PDE1A: variants seen among roughly 807,000 people sequenced by gnomAD.
The protein encoded by PDE1A is phosphodiesterase 1A.
Under a neutral mutation model 61.7 loss-of-function variants are expected in PDE1A, and 35 were observed. That is an observed-to-expected ratio of 0.57 (90% CI 0.43 to 0.75). The LOEUF (loss-of-function observed/expected upper bound fraction) is 0.75. Ranked by LOEUF, PDE1A falls within the 30% of genes least tolerant of loss-of-function variation. The pLI, the probability that PDE1A is intolerant of heterozygous loss-of-function variation, is 0.00. For missense variants in PDE1A, 597 were observed against 630.6 expected (o/e 0.95, Z 0.57); for synonymous variants, 232 against 213.2 (o/e 1.09, Z -0.77).
At chr2:182,426,887 G>C (rs1019041400) in exon 1 of PDE1A, 14 of 1,268,322 alleles carry the variant, frequency 1.1e-5, no homozygotes, top group Non-Finnish European at 1.2e-5. Context: ...CAAGAGTCAC[G>C]TTGATCCAGG....
intron 1 of PDE1A, among the ~76,000 whole-genome samples, chr2:182,370,515 T>C (rs1257157222): frequency 6.6e-6 from 1 of 152,202 alleles, no homozygotes; most frequent in African/African-American, 2.4e-5. Flanking sequence ...CAATTTTTCT[T>C]AAGCACCACC....
intron 2 of PDE1A, among the ~76,000 whole-genome samples, chr2:182,256,038 C>CTTTTTTTTTTTTTTTTTCTTT (rs1691762387): frequency 1.1e-5 from 1 of 92,336 alleles, no homozygotes; most frequent in Non-Finnish European, 2.1e-5. Context: ...AGGATGACTT[C>CTTTTTTTTTTTTTTTTTCTTT]TTTTTTTTTT....
intron 13 of PDE1A, among the ~76,000 whole-genome samples, chr2:182,162,879 G>T (rs1691459951): frequency 6.6e-6 from 1 of 152,144 alleles, no homozygotes; most frequent in South Asian, 2.1e-4. Flanking sequence ...GACAGACTTA[G>T]CAGCAGACAG....
At chr2:182,163,919 C>T (rs936072896), downstream of PDE1A, among the ~76,000 whole-genome samples, 1 of 152,102 alleles carries the variant, frequency 6.6e-6, no homozygotes, top group African/African-American at 2.4e-5. Flanking sequence ...TTGGCAGGGC[C>T]CTACAGGTGA....
chr2:182,556,941 T>C, the PDE1A span, among the ~76,000 whole-genome samples: 133 of 152,334 alleles, frequency 8.7e-4, no homozygotes, highest in African/African-American at 3.1e-3. Flanking sequence ...GAAAGCTGAA[T>C]GGTAGAATTG....
intron 4 of PDE1A, 109 bp from the exon 5 acceptor site, chr2:182,231,240 C>T (rs1369152609): frequency 8.9e-6 from 6 of 677,960 alleles, no homozygotes; most frequent in Non-Finnish European, 1.5e-5. Context: ...TTCAATTTAG[C>T]ATGTCAAACT....
At chr2:182,397,170 T>C (rs1376609147) in intron 1 of PDE1A, among the ~76,000 whole-genome samples, 1 of 152,194 alleles carries the variant, frequency 6.6e-6, no homozygotes, top group Non-Finnish European at 1.5e-5. Context: ...AGTATATTTT[T>C]AGGACATTTT....
intron 13 of PDE1A, among the ~76,000 whole-genome samples, chr2:182,159,593 T>C (rs545036134): frequency 2.7e-3 from 407 of 152,334 alleles, no homozygotes; most frequent in African/African-American, 9.4e-3. Context: ...AGTAATACTT[T>C]TCCATAGCAC....
At chr2:182,308,654 C>G (rs1157906170) in intron 1 of PDE1A, among the ~76,000 whole-genome samples, 1 of 151,888 alleles carries the variant, frequency 6.6e-6, no homozygotes, top group Non-Finnish European at 1.5e-5. Context: ...CTTTAAACAA[C>G]AATGATGTAA....
Position 182,322,790 on chromosome 2 carries a change from G to A in PDE1A, c.54-58376C>T, listed in dbSNP as rs547490403. On this transcript the variant is annotated intron_variant, in intron 1 of 13. Transcript: ENST00000351439. ...TAGAACACTCCAGTGATACAGATAGGTGAAACTATATTCTTTTTATTTTAG... is the reference window on the plus strand; with the variant it reads ...TAGAACACTCCAGTGATACAGATAGATGAAACTATATTCTTTTTATTTTAG... 4.6e-5 allele frequency among the ~76,000 whole-genome samples: 7 copies of A among 152,208 alleles called. No individual in the cohort carries two copies. The South Asian group carries it at 1.5e-3, about 32-fold the overall frequency.
At chr2:182,365,081 G>T (rs1409163095) in intron 1 of PDE1A, among the ~76,000 whole-genome samples, 1 of 152,022 alleles carries the variant, frequency 6.6e-6, no homozygotes, top group Non-Finnish European at 1.5e-5. Flanking sequence ...TTTGTAGAAG[G>T]TTCTCCCTAA....
chr2:182,565,875 G>A, the PDE1A span, among the ~76,000 whole-genome samples: 24 of 151,840 alleles, frequency 1.6e-4, no homozygotes, highest in African/African-American at 4.4e-4. Context: ...TCCACTCTTC[G>A]TAGAAATTAT....
intron 1 of PDE1A, among the ~76,000 whole-genome samples, chr2:182,386,147 C>G (rs999926108): frequency 6.6e-6 from 1 of 152,204 alleles, no homozygotes; most frequent in Non-Finnish European, 1.5e-5. Flanking sequence ...TCACTCAGTG[C>G]TCAATGTTGC....
intron 1 of PDE1A, among the ~76,000 whole-genome samples, chr2:182,398,098 A>G (rs1420686698): frequency 6.6e-6 from 1 of 152,044 alleles, no homozygotes; most frequent in East Asian, 1.9e-4. Context: ...ACTGAAAAAA[A>G]TGACAAAAAG....
chr2:182,403,930 T>G (rs1702158800), intron 1 of PDE1A, among the ~76,000 whole-genome samples: 1 of 152,072 alleles, frequency 6.6e-6, no homozygotes, highest in Non-Finnish European at 1.5e-5. Context: ...CGTGTATACC[T>G]ACGTAACAAA....
the PDE1A span, among the ~76,000 whole-genome samples, chr2:182,532,945 C>CAAAAAAAAA: frequency 0.013 from 281 of 21,162 alleles, 68 homozygotes; most frequent in East Asian, 0.066. Flanking sequence ...GACTCCGTCT[C>CAAAAAAAAA]AAAAAAAAAA....
chr2:182,503,311 C>G (rs1269718918), intron 2 of PDE1A, among the ~76,000 whole-genome samples: 3 of 152,142 alleles, frequency 2.0e-5, no homozygotes, highest in Non-Finnish European at 4.4e-5. Context: ...CACTTCTTAG[C>G]TTTATTTTCC....
chr2:182,599,589 T>C, the PDE1A span, among the ~76,000 whole-genome samples: 3 of 152,370 alleles, frequency 2.0e-5, no homozygotes, highest in East Asian at 1.9e-4. Context: ...TTATTTCTTA[T>C]GTATGTTCTG....
intron 2 of PDE1A, among the ~76,000 whole-genome samples, chr2:182,477,258 A>G (rs17356303): frequency 0.16 from 24,713 of 151,880 alleles, 2,483 homozygotes; most frequent in Middle Eastern, 0.31. Flanking sequence ...TTGAGGGTAA[A>G]AGAGAAAAAT....
Sources: allele counts gnomAD v4.1 joint callset (sites outside exome capture counted in the v4.1 genomes callset), GRCh38; gene constraint gnomAD v4.1.1; transcripts MANE v1.5; gene names NCBI Gene and HGNC (gene_info 2026-07-23, HGNC 2026-07-21).